Variants in NTRK3 observed in about 807,000 individuals in gnomAD.
NTRK3 encodes the protein neurotrophic receptor tyrosine kinase 3, also known as NT-3 growth factor receptor.
In NTRK3, 24 loss-of-function variants were observed where a neutral mutation model predicts 91.7. The ratio of observed to expected loss-of-function variants is 0.26; its 90% CI spans 0.19 to 0.37. The LOEUF (loss-of-function observed/expected upper bound fraction) is 0.37, where lower values mean the gene tolerates loss of function less well. NTRK3 is among the 10% of genes least tolerant of loss of function. NTRK3 has a pLI of 1.00. For missense variants in NTRK3, 880 were observed against 1,068.9 expected (o/e 0.82, Z 2.46); for synonymous variants, 483 against 404.0 (o/e 1.20, Z -2.34).
At chr15:88,211,637 T>C (rs986245196) in intron 3 of NTRK3, among the ~76,000 whole-genome samples, 3 of 152,246 alleles carry the variant, frequency 2.0e-5, no homozygotes, top group African/African-American at 7.2e-5. Flanking sequence ...GAGTATGTGT[T>C]AACAGGAGTC....
intron 14 of NTRK3, among the ~76,000 whole-genome samples, chr15:87,959,188 C>T (rs764878059): frequency 4.6e-5 from 7 of 152,148 alleles, no homozygotes; most frequent in East Asian, 1.9e-4. Context: ...CTCGAACTGC[C>T]GCCGTCGGAT....
At chr15:88,147,102 AAAG>A (rs1378928110) in intron 6 of NTRK3, among the ~76,000 whole-genome samples, 2 of 152,204 alleles carry the variant, frequency 1.3e-5, no homozygotes, top group Admixed American at 1.3e-4. Context: ...AGTCATAATA[AAAG>A]AAGAGACTCC....
At chr15:87,934,404 C>T (rs2069087307) in intron 15 of NTRK3, among the ~76,000 whole-genome samples, 1 of 152,162 alleles carries the variant, frequency 6.6e-6, no homozygotes, top group Admixed American at 6.5e-5. Context: ...GATTGGTTTG[C>T]ATTCTCTCTG....
At chr15:88,189,416 TC>T (rs948276817) in intron 3 of NTRK3, among the ~76,000 whole-genome samples, 5 of 102,416 alleles carry the variant, frequency 4.9e-5, no homozygotes, top group Admixed American at 2.6e-4. Flanking sequence ...AGATTGCAAT[TC>T]CTTTTTTTTT....
chr15:87,922,321 T>C (rs915995357), intron 17 of NTRK3, among the ~76,000 whole-genome samples: 5 of 152,058 alleles, frequency 3.3e-5, no homozygotes, highest in Non-Finnish European at 7.4e-5. Flanking sequence ...CAGTCAATGT[T>C]CTTGTTGATC....
chr15:88,036,818 G>C (rs2142076247), intron 13 of NTRK3, among the ~76,000 whole-genome samples: 1 of 152,336 alleles, frequency 6.6e-6, no homozygotes, highest in Admixed American at 6.5e-5. Context: ...GCCCCTTTCT[G>C]TTCTCAGCAT....
intron 15 of NTRK3, 55 bp from the exon 16 acceptor site, chr15:87,933,239 T>A (rs2141959347): frequency 6.3e-7 from 1 of 1,577,114 alleles, no homozygotes; most frequent in Non-Finnish European, 8.7e-7. Context: ...GGGGCTGTCT[T>A]TTCTACTCCT....
chr15:87,978,423 A>T, intron 14 of NTRK3: 1 of 228,968 alleles, frequency 4.4e-6, no homozygotes, highest in East Asian at 6.2e-5. Context: ...AAAAGTTCTC[A>T]GAGTCAAGAA....
intron 17 of NTRK3, chr15:87,925,773 T>C (rs1408832483): frequency 5.7e-6 from 1 of 176,776 alleles, no homozygotes; most frequent in Non-Finnish European, 1.2e-5. Flanking sequence ...TTTCCTGAGG[T>C]GGTCAATGTA....
chr15:88,033,124 A>C, intron 13 of NTRK3, 79 bp from the exon 14 acceptor site: 1 of 1,316,928 alleles, frequency 7.6e-7, no homozygotes, highest in Non-Finnish European at 1.0e-6. Flanking sequence ...GACAACCCCC[A>C]ACTACTGTTC....
At chr15:87,891,093 A>G (rs1304936526) in intron 17 of NTRK3, among the ~76,000 whole-genome samples, 2 of 152,096 alleles carry the variant, frequency 1.3e-5, no homozygotes, top group African/African-American at 4.8e-5. Context: ...GCTTTATCCT[A>G]ATTTGTTTAA....
At chr15:88,107,678 T>G (rs1201543239) in intron 13 of NTRK3, among the ~76,000 whole-genome samples, 1 of 152,136 alleles carries the variant, frequency 6.6e-6, no homozygotes, top group Admixed American at 6.5e-5. Context: ...CCAAGGCCTA[T>G]CCATTTGCAC....
At chr15:87,883,159 TTC>T (rs1567067011) in intron 17 of NTRK3, among the ~76,000 whole-genome samples, 2 of 151,138 alleles carry the variant, frequency 1.3e-5, no homozygotes, top group Non-Finnish European at 3.0e-5. Context: ...CCAATTACAT[TTC>T]TTTTATTGTG....
At chr15:88,198,949 CCT>C (rs1352036348) in intron 3 of NTRK3, among the ~76,000 whole-genome samples, 2 of 152,178 alleles carry the variant, frequency 1.3e-5, no homozygotes, top group South Asian at 2.1e-4. Context: ...TCCTTGGCCC[CCT>C]GTTTCTCAGT....
chr15:87,969,433 TAAG>T (rs1026301395), intron 14 of NTRK3, among the ~76,000 whole-genome samples: 4 of 152,106 alleles, frequency 2.6e-5, no homozygotes, highest in Admixed American at 2.0e-4. Context: ...ATAGCAATAA[TAAG>T]AAGAATAGAT....
chr15:87,991,269 T>C (rs2075267085), intron 14 of NTRK3, among the ~76,000 whole-genome samples: 1 of 152,198 alleles, frequency 6.6e-6, no homozygotes, highest in Non-Finnish European at 1.5e-5. Context: ...GATCTCAGAC[T>C]GACAGCAACA....
chr15:87,994,663 G>C (rs976695830), intron 14 of NTRK3, among the ~76,000 whole-genome samples: 1 of 152,142 alleles, frequency 6.6e-6, no homozygotes, highest in Admixed American at 6.5e-5. Flanking sequence ...AGCAGCCCTA[G>C]CAAACTAAAA....
intron 3 of NTRK3, among the ~76,000 whole-genome samples, chr15:88,218,965 G>C (rs2050022063): frequency 6.6e-6 from 1 of 152,344 alleles, no homozygotes; most frequent in African/African-American, 2.4e-5. Context: ...AGGGGGCATG[G>C]CATCACCCAC....
At chr15:88,012,231 T>C (rs1207653531) in intron 14 of NTRK3, among the ~76,000 whole-genome samples, 1 of 152,236 alleles carries the variant, frequency 6.6e-6, no homozygotes, top group African/African-American at 2.4e-5. Flanking sequence ...CGAACTGTGA[T>C]ATTTCAGTGC....
Sources: allele counts gnomAD v4.1 joint callset (sites outside exome capture counted in the v4.1 genomes callset), GRCh38; gene constraint gnomAD v4.1.1; transcripts MANE v1.5; gene names NCBI Gene and HGNC (gene_info 2026-07-23, HGNC 2026-07-21).